CNTNAP4: variants seen among roughly 807,000 people sequenced by gnomAD.
The protein encoded by CNTNAP4 is contactin associated protein family member 4, also known as contactin-associated protein-like 4.
Under a neutral mutation model 148.4 loss-of-function variants are expected in CNTNAP4, and 98 were observed. The ratio of observed to expected loss-of-function variants is 0.66; its 90% CI spans 0.56 to 0.78. The LOEUF (loss-of-function observed/expected upper bound fraction) is 0.78, where lower values mean the gene tolerates loss of function less well. CNTNAP4 is among the 30% of genes least tolerant of loss of function. The pLI is 0.00. For missense variants in CNTNAP4, 1,935 were observed against 1,565.6 expected, an observed-to-expected ratio of 1.24 and a Z score of -3.98; for synonymous variants, 730 against 565.1, an observed-to-expected ratio of 1.29 and a Z score of -4.14.
At chr16:76,286,221 A>C (rs993935335) in intron 1 of CNTNAP4, among the ~76,000 whole-genome samples, 6 of 119,500 alleles carry the variant, frequency 5.0e-5, no homozygotes, top group African/African-American at 1.7e-4. Flanking sequence ...GTGTGTGTGA[A>C]GATAACTGTG....
At chr16:76,360,327 G>C (rs116134306) in intron 3 of CNTNAP4, among the ~76,000 whole-genome samples, 1,840 of 152,160 alleles carry the variant, frequency 0.012, 36 homozygotes, top group African/African-American at 0.037. Flanking sequence ...AGCCAGACAG[G>C]GTAGAAACAC....
At chr16:76,289,748 T>A (rs1310086153) in intron 1 of CNTNAP4, among the ~76,000 whole-genome samples, 4 of 152,098 alleles carry the variant, frequency 2.6e-5, no homozygotes, top group Non-Finnish European at 4.4e-5. Context: ...TTTTTGTACA[T>A]TTAGTAGAGG....
At chr16:76,457,711 G>C (rs1199302464) in intron 8 of CNTNAP4, among the ~76,000 whole-genome samples, 2 of 152,286 alleles carry the variant, frequency 1.3e-5, no homozygotes, top group Non-Finnish European at 2.9e-5. Context: ...TAAACTCCTA[G>C]AAACTGGTAA....
chr16:76,427,086 C>T (rs1408053555), intron 3 of CNTNAP4, among the ~76,000 whole-genome samples: 1 of 152,116 alleles, frequency 6.6e-6, no homozygotes, highest in African/African-American at 2.4e-5. Flanking sequence ...TGTTTTTCAA[C>T]CCTTGGAGAA....
chr16:76,415,868 T>C (rs2078956865), intron 3 of CNTNAP4, among the ~76,000 whole-genome samples: 2 of 151,512 alleles, frequency 1.3e-5, no homozygotes, highest in South Asian at 4.1e-4. Context: ...TTTATGTTGT[T>C]GAGTACATCA....
chr16:76,348,434 G>A (rs12325499), intron 2 of CNTNAP4, among the ~76,000 whole-genome samples: 29,167 of 151,848 alleles, frequency 0.19, 3,486 homozygotes, highest in East Asian at 0.46. Context: ...AGAGATCAAC[G>A]GGGAGTGAAT....
chr16:76,362,328 C>G (rs1362792734), intron 3 of CNTNAP4, among the ~76,000 whole-genome samples: 1 of 152,090 alleles, frequency 6.6e-6, no homozygotes, highest in Non-Finnish European at 1.5e-5. Flanking sequence ...CTATACTACT[C>G]AAAGCAATCT....
intron 3 of CNTNAP4, among the ~76,000 whole-genome samples, chr16:76,365,004 A>G (rs1316212515): frequency 6.6e-6 from 1 of 152,078 alleles, no homozygotes; most frequent in African/African-American, 2.4e-5. Context: ...TTTTATGGTT[A>G]TAGGTCTTAC....
At chr16:76,526,626 G>A (rs1350066837) in intron 17 of CNTNAP4, among the ~76,000 whole-genome samples, 2 of 152,062 alleles carry the variant, frequency 1.3e-5, no homozygotes, top group Non-Finnish European at 2.9e-5. Flanking sequence ...GGGATGAAAT[G>A]CTTCTTTGTA....
At chr16:76,285,853 C>A (rs1958859011) in intron 1 of CNTNAP4, among the ~76,000 whole-genome samples, 2 of 151,680 alleles carry the variant, frequency 1.3e-5, no homozygotes, top group Admixed American at 1.3e-4. Flanking sequence ...GCTTGGATGA[C>A]CTTGAACAGA....
intron 3 of CNTNAP4, among the ~76,000 whole-genome samples, chr16:76,395,665 GT>G (rs2078177164): frequency 6.6e-6 from 1 of 151,946 alleles, no homozygotes; most frequent in African/African-American, 2.4e-5. Flanking sequence ...CCATTAGGCA[GT>G]TCTATTTTGG....
intron 8 of CNTNAP4, among the ~76,000 whole-genome samples, chr16:76,460,764 A>T (rs1380245647): frequency 1.4e-5 from 1 of 71,710 alleles, no homozygotes; most frequent in Non-Finnish European, 3.1e-5. Flanking sequence ...AAAAAAAAAA[A>T]AAAAAAAAAA....
intron 3 of CNTNAP4, among the ~76,000 whole-genome samples, chr16:76,421,076 T>C (rs991985489): frequency 6.6e-6 from 1 of 152,032 alleles, no homozygotes; most frequent in Non-Finnish European, 1.5e-5. Context: ...GCATCTTTCC[T>C]GTGCTTTTTC....
At chr16:76,489,978 T>C in intron 13 of CNTNAP4, 95 bp downstream of exon 13, 1 of 705,092 alleles carries the variant, frequency 1.4e-6, no homozygotes. Context: ...AGTGGTGGTG[T>C]CTAGCCACTG....
intron 3 of CNTNAP4, among the ~76,000 whole-genome samples, chr16:76,388,212 C>T (rs1023513452): frequency 1.3e-5 from 2 of 152,220 alleles, no homozygotes; most frequent in African/African-American, 4.8e-5. Context: ...CCAAAGAGTT[C>T]ATTACAGCAC....
At position 76,321,954 on chromosome 16, in the gene CNTNAP4, G is replaced by A. The variant is rs147053394; in HGVS notation, c.196+5431G>A. On this transcript the variant is annotated intron_variant, in intron 2 of 23. Coordinates refer to ENST00000611870, the MANE Select transcript of CNTNAP4 (RefSeq NM_033401.5). ...AAGGGGAACCTGGCTGGCACAACTG[G>A]TATGAGTCTGAAATTTGCCTGAGAG... Among the ~76,000 whole-genome samples, 33 of 152,242 alleles carry A rather than the reference G, an allele frequency of 2.2e-4. No individual in the cohort carries two copies. The East Asian group carries it at 5.4e-3, about 25-fold the overall frequency.
intron 1 of CNTNAP4, among the ~76,000 whole-genome samples, chr16:76,311,092 C>T (rs1411766773): frequency 1.3e-5 from 2 of 151,880 alleles, no homozygotes; most frequent in South Asian, 2.1e-4. Context: ...ATAATATATA[C>T]CTATTATCTT....
intron 1 of CNTNAP4, among the ~76,000 whole-genome samples, chr16:76,284,164 G>C (rs1328227258): frequency 6.6e-6 from 1 of 151,840 alleles, no homozygotes; most frequent in African/African-American, 2.4e-5. Flanking sequence ...GATAGGGAAG[G>C]GTTGACCCAT....
chr16:76,302,370 C>G (rs554082352), intron 1 of CNTNAP4, among the ~76,000 whole-genome samples: 35 of 152,152 alleles, frequency 2.3e-4, no homozygotes, highest in African/African-American at 8.4e-4. Flanking sequence ...CGTTAATTAG[C>G]AGAATTTCCT....
Sources: allele counts gnomAD v4.1 joint callset (sites outside exome capture counted in the v4.1 genomes callset), GRCh38; gene constraint gnomAD v4.1.1; transcripts MANE v1.5; gene names NCBI Gene and HGNC (gene_info 2026-07-23, HGNC 2026-07-21).